UNC5C: variants seen among roughly 807,000 people sequenced by gnomAD.
The protein encoded by UNC5C is unc-5 netrin receptor C.
Under a neutral mutation model 99.8 loss-of-function variants are expected in UNC5C, and 47 were observed. The ratio of observed to expected loss-of-function variants is 0.47; its 90% CI spans 0.37 to 0.60. The LOEUF is 0.60. Ranked by LOEUF, UNC5C falls within the 20% of genes least tolerant of loss-of-function variation. The probability of loss-of-function intolerance (pLI) is 0.00; values close to 1 mark genes in which losing one functional copy is unlikely to be tolerated. For missense variants in UNC5C, 1,062 were observed against 1,165.9 expected (o/e 0.91, Z 1.30); for synonymous variants, 487 against 452.2 (o/e 1.08, Z -0.98).
At chr4:95,439,729 T>G (rs529227090) in intron 1 of UNC5C, among the ~76,000 whole-genome samples, 14 of 152,290 alleles carry the variant, frequency 9.2e-5, no homozygotes, top group Non-Finnish European at 2.1e-4. Context: ...GATGCTGATG[T>G]CAATTTGGAT....
chr4:95,526,886 TCTA>T (rs1254615468), intron 1 of UNC5C, among the ~76,000 whole-genome samples: 2 of 152,180 alleles, frequency 1.3e-5, no homozygotes, highest in African/African-American at 4.8e-5. Flanking sequence ...AATAATTATT[TCTA>T]CTAAGTCCTT....
intron 1 of UNC5C, among the ~76,000 whole-genome samples, chr4:95,360,655 T>C (rs906047951): frequency 6.6e-6 from 1 of 152,134 alleles, no homozygotes; most frequent in African/African-American, 2.4e-5. Flanking sequence ...ACAATGATTA[T>C]GAGCTAATGT....
intron 14 of UNC5C, among the ~76,000 whole-genome samples, chr4:95,177,008 G>C (rs1048746978): frequency 6.6e-6 from 1 of 152,174 alleles, no homozygotes; most frequent in Admixed American, 6.5e-5. Flanking sequence ...CGATTTTCCA[G>C]GTGCCGTCTG....
intron 1 of UNC5C, among the ~76,000 whole-genome samples, chr4:95,379,305 T>G (rs1744991342): frequency 1.3e-5 from 2 of 152,342 alleles, no homozygotes; most frequent in Middle Eastern, 6.8e-3. Context: ...CACAGATGCA[T>G]GCTGTGCACT....
chr4:95,526,967 T>C (rs1224700107), intron 1 of UNC5C, among the ~76,000 whole-genome samples: 1 of 152,060 alleles, frequency 6.6e-6, no homozygotes, highest in Non-Finnish European at 1.5e-5. Context: ...AAACCAATAA[T>C]ACAAAGCAAA....
chr4:95,244,737 A>T (rs781573082), intron 6 of UNC5C, among the ~76,000 whole-genome samples: 6 of 152,174 alleles, frequency 3.9e-5, no homozygotes, highest in Non-Finnish European at 5.9e-5. Flanking sequence ...ATATAAAGGG[A>T]TTATATCCAG....
chr4:95,393,066 G>T (rs933412808), intron 1 of UNC5C, among the ~76,000 whole-genome samples: 2 of 152,228 alleles, frequency 1.3e-5, no homozygotes, highest in African/African-American at 4.8e-5. Context: ...AAGAAACAGA[G>T]GGGATTTCTA....
chr4:95,208,282 G>C (rs1163698472), intron 10 of UNC5C, among the ~76,000 whole-genome samples: 35 of 152,166 alleles, frequency 2.3e-4, no homozygotes, highest in Admixed American at 2.3e-3. Flanking sequence ...GATAGAGATA[G>C]TATGGTTAAG....
At chr4:95,497,827 T>C (rs562899002) in intron 1 of UNC5C, among the ~76,000 whole-genome samples, 1 of 152,110 alleles carries the variant, frequency 6.6e-6, no homozygotes, top group Non-Finnish European at 1.5e-5. Context: ...TTCCCAGTCT[T>C]TTAAAAAATA....
chr4:95,512,468 C>G (rs1265720557), intron 1 of UNC5C, among the ~76,000 whole-genome samples: 1 of 152,052 alleles, frequency 6.6e-6, no homozygotes, highest in Non-Finnish European at 1.5e-5. Flanking sequence ...TATGGGAAAC[C>G]AGGCATGGTT....
At chr4:95,502,424 A>G (rs955633995) in intron 1 of UNC5C, among the ~76,000 whole-genome samples, 2 of 152,096 alleles carry the variant, frequency 1.3e-5, no homozygotes, top group Non-Finnish European at 2.9e-5. Context: ...GCACACCACC[A>G]TGCCCAGCTT....
At chr4:95,340,104 T>A (rs1743507730) in intron 1 of UNC5C, among the ~76,000 whole-genome samples, 1 of 152,084 alleles carries the variant, frequency 6.6e-6, no homozygotes, top group Non-Finnish European at 1.5e-5. Context: ...CATGTATTAT[T>A]TTTATAGACT....
At chr4:95,447,925 C>T (rs1052493819) in intron 1 of UNC5C, among the ~76,000 whole-genome samples, 3 of 152,066 alleles carry the variant, frequency 2.0e-5, no homozygotes, top group African/African-American at 4.8e-5. Context: ...CAGGAAGAAG[C>T]GGCTTGGGCT....
In UNC5C at chr4:95,333,149, G is replaced by A. The variant is rs368800639; in HGVS notation, c.346+2261C>T. Among the ~76,000 whole-genome samples, 26 of 152,244 alleles carry A rather than the reference G, an allele frequency of 1.7e-4. No individual in the cohort carries two copies. The South Asian group carries it at 4.4e-3, about 25-fold the overall frequency. ...GACTGTAAACTAGTTCAACCATTGC[G>A]GAAGTCAGTGTGGCGATTCCTCAGG... On this transcript the variant is annotated intron_variant, in intron 2 of 15. Coordinates refer to ENST00000453304, the MANE Select transcript of UNC5C (RefSeq NM_003728.4).
intron 1 of UNC5C, among the ~76,000 whole-genome samples, chr4:95,536,082 A>ATATATATATATTTT (rs1180330785): frequency 1.3e-5 from 1 of 78,444 alleles, no homozygotes; most frequent in East Asian, 2.8e-4. Context: ...ATATATATAT[A>ATATATATATATTTT]TTTTTTTTTT....
intron 1 of UNC5C, among the ~76,000 whole-genome samples, chr4:95,523,628 T>G (rs1190562543): frequency 6.6e-6 from 1 of 152,164 alleles, no homozygotes; most frequent in East Asian, 1.9e-4. Context: ...ATTCTGCTAG[T>G]TTCACCAAAG....
chr4:95,171,204 ATCTC>A (rs973053512), intron 14 of UNC5C, among the ~76,000 whole-genome samples: 19 of 151,828 alleles, frequency 1.3e-4, no homozygotes, highest in Middle Eastern at 3.4e-3. Flanking sequence ...TATAAATGCC[ATCTC>A]TCTCTATTTT....
chr4:95,496,206 T>C (rs1440346648), intron 1 of UNC5C, among the ~76,000 whole-genome samples: 1 of 151,824 alleles, frequency 6.6e-6, no homozygotes, highest in Non-Finnish European at 1.5e-5. Context: ...TTTACATATT[T>C]TAGCTCTTTT....
At position 95,244,957 on chromosome 4, in the gene UNC5C, G is replaced by T; in HGVS notation, c.943+20C>A. 2 of 1,612,714 alleles carry T rather than the reference G, an allele frequency of 1.2e-6. No homozygotes were observed. The highest frequency in any genetic ancestry group is 2.2e-5 in the South Asian group (2 of 90,708). On this transcript the variant is annotated intron_variant, in intron 6 of 15. Coordinates refer to ENST00000453304, the MANE Select transcript of UNC5C (RefSeq NM_003728.4). ...TTGAATAATAGGAGATACTTGGAAT[G>T]AGAGGACTGGTTTATTTACCTGGGC...
Sources: gnomAD v4.1 joint callset for allele counts (sites outside exome capture counted in the v4.1 genomes callset) on GRCh38, gnomAD v4.1.1 for gene constraint, MANE v1.5 for transcripts, NCBI Gene and HGNC (gene_info 2026-07-23, HGNC 2026-07-21) for gene names.